The following ITGA1 variants were observed in gnomAD, a reference collection of about 807,000 sequenced individuals.
The protein encoded by ITGA1 is integrin alpha-1.
In ITGA1, 85 loss-of-function variants were observed where a neutral mutation model predicts 145.9. The ratio of observed to expected loss-of-function variants is 0.58; its 90% CI spans 0.49 to 0.70. The LOEUF is 0.70. Ranked by LOEUF, ITGA1 falls within the 30% of genes least tolerant of loss-of-function variation. ITGA1 has a pLI of 0.00. For synonymous variants in ITGA1, 520 were observed against 495.3 expected (o/e 1.05, Z -0.66); for missense variants, 1,351 against 1,418.7 (o/e 0.95, Z 0.77).
chr5:52,861,460 T>A lies in ITGA1; in HGVS notation c.196T>A (p.Ser66Thr). 1 of 1,612,146 alleles carries A rather than the reference T, an allele frequency of 6.2e-7. No homozygotes were observed. The highest frequency in any genetic ancestry group is 2.2e-5 in the East Asian group (1 of 44,868). The change falls in exon 3 of 29, where the codon TCT becomes ACT. Residue 66 changes from serine (S) to threonine (T), a missense_variant. Physicochemically the swap from Ser to Thr is moderately conservative, Grantham distance 58. Coordinates refer to ENST00000282588, the MANE Select transcript of ITGA1 (RefSeq NM_181501.2). ...TTTAACTTCCAGGGTGCTTATTGGT[T>A]CTCCGTTAGTTGGCCAACCCAAAAA... ...NEEGKWVLIG[S>T]PLVGQPKNRT...
Position 52,887,608 on chromosome 5 carries a change from C to T in ITGA1, c.774-207C>T, listed in dbSNP as rs545701584. 2.6e-5 allele frequency among the ~76,000 whole-genome samples: 4 copies of T among 152,276 alleles called. No individual in the cohort carries two copies. In the South Asian group the frequency reaches 6.2e-4, roughly 24 times the overall value. ...ATAGGATGTGTGGTGATTAGCAAAA[C>T]GGAGACCTCTCCATCATCTGAAATA... On this transcript the variant is annotated intron_variant, in intron 7 of 28. Coordinates refer to ENST00000282588, the MANE Select transcript of ITGA1 (RefSeq NM_181501.2).
intron 3 of ITGA1, among the ~76,000 whole-genome samples, chr5:52,863,643 T>C (rs1749641301): frequency 6.6e-6 from 1 of 152,214 alleles, no homozygotes; most frequent in Non-Finnish European, 1.5e-5. Flanking sequence ...CTAGAATTTA[T>C]AGTTGTGATT....
rs749258378 is a variant in ITGA1, at chr5:52,925,519, C to G, written c.2613+32C>G. Reference sequence around the variant, plus strand: ...TTCCAGTTTTTCATTTATTTGTTCTCTTAACATCATTTACCTGGCCTACTT... The same window carrying G: ...TTCCAGTTTTTCATTTATTTGTTCTGTTAACATCATTTACCTGGCCTACTT... On this transcript the variant is annotated intron_variant, in intron 19 of 28. Coordinates refer to ENST00000282588, the MANE Select transcript of ITGA1 (RefSeq NM_181501.2). The G allele has an allele frequency of 1.5e-5, 22 of 1,485,988 alleles. No individual in the cohort carries two copies. The South Asian group carries it at 2.4e-4, about 16-fold the overall frequency. 92.1% of individuals were successfully genotyped at this position (1,485,988 alleles called of 1,614,324 possible).
chr5:52,905,717 G>A (rs775796779), intron 11 of ITGA1, 46 bp from the exon 12 acceptor site: 20 of 1,519,892 alleles, frequency 1.3e-5, no homozygotes, highest in Non-Finnish European at 1.7e-5. Context: ...ATTACATGAA[G>A]CCTTTAAGGG....
chr5:52,937,008 G>A (rs16876244), intron 23 of ITGA1, among the ~76,000 whole-genome samples: 40,076 of 150,100 alleles, frequency 0.27, 6,012 homozygotes, highest in African/African-American at 0.4. Flanking sequence ...AAATTGTTCC[G>A]TGGTCTCCCT....
At chr5:52,894,710 T>G in intron 9 of ITGA1, among the ~76,000 whole-genome samples, 1 of 152,176 alleles carries the variant, frequency 6.6e-6, no homozygotes, top group Non-Finnish European at 1.5e-5. Context: ...GAGGACACAC[T>G]GAAAGACTGT....
chr5:52,800,290 C>G (rs1379382309), intron 1 of ITGA1: 8 of 1,294,896 alleles, frequency 6.2e-6, no homozygotes, highest in Non-Finnish European at 8.7e-6. Context: ...CCTTAGAAAC[C>G]GGGCCCCGCC....
In ITGA1 at chr5:52,955,516, C is replaced by T. The variant is rs1751292215; in HGVS notation, c.*3065C>T. ...AGTAAACATAATGCTACACAGCACC[C>T]ATTCTTTAATTTTGATTTCTAAAAT... On this transcript the variant is annotated 3_prime_UTR_variant, in exon 29 of 29. Coordinates refer to ENST00000282588, the MANE Select transcript of ITGA1 (RefSeq NM_181501.2). 1 of 152,158 alleles carries T rather than the reference C, an allele frequency of 6.6e-6. No homozygotes were observed. Among genetic ancestry groups the T allele is most frequent in the Non-Finnish European group, 1.5e-5 (1 of 68,026 alleles). The allele number at this position is 152,158 out of a possible 1,614,324, so 9.4% of individuals were successfully genotyped here.
chr5:52,861,869 CAAA>C lies in ITGA1; in HGVS notation c.295+328_295+330del, dbSNP rs11335171. On this transcript the variant is annotated intron_variant, in intron 3 of 28. Transcript: ENST00000282588. ...TGGGTGACAGAGTGAGACCCTGTCT[CAAA>C]AAAAAAAAAAAAAAAAATCAGGTCT... Among the ~76,000 whole-genome samples, 1,115 of 119,334 alleles carry C rather than the reference CAAA, an allele frequency of 9.3e-3. 13 individuals are homozygous for C. The highest frequency in any genetic ancestry group is 0.019 in the African/African-American group (583 of 30,688). The allele number at this position is 119,334 out of a possible 152,430, so 78.3% of individuals were successfully genotyped here. A position where few individuals can be genotyped will look rare whatever the true frequency, so the allele number is the denominator to read the frequency against.
intron 10 of ITGA1, among the ~76,000 whole-genome samples, chr5:52,897,735 C>A (rs1225562611): frequency 6.6e-6 from 1 of 152,172 alleles, no homozygotes; most frequent in Admixed American, 6.5e-5. Context: ...ACACAGTTCA[C>A]TACATTGTAC....
In ITGA1 at chr5:52,939,604, A is replaced by T. The variant is rs745883099; in HGVS notation, c.3093A>T (p.Arg1031Ser). 6.2e-7 allele frequency: 1 copy of T among 1,609,826 alleles called. No individual in the cohort carries two copies. Among genetic ancestry groups the T allele is most frequent in the South Asian group, 1.1e-5 (1 of 90,940 alleles). Residue 1031 changes from arginine (R) to serine (S), a missense_variant, in exon 25 of 29, where the codon AGA (arginine) becomes AGT (serine). Coordinates refer to ENST00000282588, the MANE Select transcript of ITGA1 (RefSeq NM_181501.2). ...GLSSSENANC[R>S]PHIFEDPFSI... Reference sequence around the variant, plus strand: ...TTCATTTCTAGAATGCAAACTGCAGACCCCATATCTTTGAGGATCCTTTCA... The same window carrying T: ...TTCATTTCTAGAATGCAAACTGCAGTCCCCATATCTTTGAGGATCCTTTCA...
chr5:52,875,286 A>G (rs901108128), intron 6 of ITGA1, among the ~76,000 whole-genome samples: 3 of 148,738 alleles, frequency 2.0e-5, no homozygotes, highest in Non-Finnish European at 4.5e-5. Context: ...AGTATTCCCA[A>G]AAAAAAAAAA....
At chr5:52,894,504 G>A (rs555125491) in intron 9 of ITGA1, among the ~76,000 whole-genome samples, 3 of 151,744 alleles carry the variant, frequency 2.0e-5, no homozygotes, top group South Asian at 4.2e-4. Context: ...TTTGGAACTC[G>A]ATCTTTCCTA....
intron 10 of ITGA1, 142 bp from the exon 11 acceptor site, chr5:52,898,097 C>CA: frequency 2.1e-6 from 1 of 483,084 alleles, no homozygotes; most frequent in South Asian, 7.2e-5. Flanking sequence ...GCATCTAACT[C>CA]ATAGAGTTAT....
intron 6 of ITGA1, among the ~76,000 whole-genome samples, chr5:52,878,078 C>T (rs1749895133): frequency 6.6e-6 from 1 of 152,140 alleles, no homozygotes; most frequent in South Asian, 2.1e-4. Flanking sequence ...CTACTTGAGT[C>T]AAGGGGCTGA....
intron 14 of ITGA1, among the ~76,000 whole-genome samples, chr5:52,911,989 A>ATCTACTATATATACTATATT (rs1561246760): frequency 1.6e-5 from 1 of 60,736 alleles, no homozygotes; most frequent in African/African-American, 6.9e-5. Context: ...TACTATATGT[A>ATCTACTATATATACTATATT]TAGTGTGTAT....
At chr5:52,846,724 T>C (rs1053614867) in intron 1 of ITGA1, among the ~76,000 whole-genome samples, 2 of 152,352 alleles carry the variant, frequency 1.3e-5, no homozygotes, top group East Asian at 1.9e-4. Flanking sequence ...TCATGCCAGC[T>C]AGACAAATCT....
intron 11 of ITGA1, among the ~76,000 whole-genome samples, chr5:52,901,068 T>G (rs1236670270): frequency 6.6e-6 from 1 of 152,202 alleles, no homozygotes; most frequent in African/African-American, 2.4e-5. Context: ...GATCCCGAGT[T>G]GGAAGATTAT....
rs74427415 is a variant in ITGA1 at position 52,810,474 on chromosome 5, G to A, written c.61+22060G>A. Among the ~76,000 whole-genome samples, 788 of 152,304 alleles carry A rather than the reference G, an allele frequency of 5.2e-3. 7 individuals carry two copies. The highest frequency in any genetic ancestry group is 0.018 in the African/African-American group (759 of 41,562). ...AAATGGCCAACATGGATTGGATATG[G>A]TAGAAGGAAAGAACATTTTCTGCAG... On this transcript the variant is annotated intron_variant, in intron 1 of 28. Transcript: ENST00000282588.
Sources: allele counts gnomAD v4.1 joint callset (sites outside exome capture counted in the v4.1 genomes callset), GRCh38; gene constraint gnomAD v4.1.1; transcripts MANE v1.5; gene names NCBI Gene and HGNC (gene_info 2026-07-23, HGNC 2026-07-21).